ZC3H13: variants seen among roughly 807,000 people sequenced by gnomAD.
ZC3H13 encodes the protein zinc finger CCCH domain-containing protein 13.
Under a neutral mutation model 204.1 loss-of-function variants are expected in ZC3H13, and 64 were observed. The observed-to-expected ratio is 0.31, with a 90% confidence interval of 0.26 to 0.39. ZC3H13 has a LOEUF of 0.39. Ranked by LOEUF, ZC3H13 falls within the 10% of genes least tolerant of loss-of-function variation. The probability of loss-of-function intolerance (pLI) is 1.00; values close to 1 mark genes in which losing one functional copy is unlikely to be tolerated. For synonymous variants in ZC3H13, 667 were observed against 693.7 expected, an observed-to-expected ratio of 0.96 and a Z score of 0.60; for missense variants, 1,833 against 2,082.7, an observed-to-expected ratio of 0.88 and a Z score of 2.33.
chr13:45,980,508 C>T (rs1055482066), intron 10 of ZC3H13, among the ~76,000 whole-genome samples: 1 of 152,072 alleles, frequency 6.6e-6, no homozygotes, highest in African/African-American at 2.4e-5. Context: ...ACAGCCAAAA[C>T]CTGCAAAGTA....
chr13:46,011,315 TA>T (rs2041547060), intron 6 of ZC3H13, 99 bp downstream of exon 6: 1 of 1,094,006 alleles, frequency 9.1e-7, no homozygotes, highest in African/African-American at 1.6e-5. Flanking sequence ...AATATATCAG[TA>T]TACTAATATA....
In ZC3H13 at chr13:46,011,440, C is replaced by A. The variant is rs1324581751; in HGVS notation, c.563G>T (p.Arg188Ile). 1.9e-6 allele frequency: 3 copies of A among 1,604,404 alleles called. No homozygotes were observed. The highest frequency in any genetic ancestry group is 2.6e-6 in the Non-Finnish European group (3 of 1,176,316). Residue 188 changes from arginine (R) to isoleucine (I), a missense_variant, in exon 6 of 19, where the codon AGA becomes ATA. Physicochemically the swap from Arg to Ile is moderately conservative, Grantham distance 97. Around this residue, in one of 5 missense-constraint regions of ZC3H13, gnomAD observed 1,574 missense variants for 1,757.2 expected, o/e 0.90. Transcript: ENST00000679008. ...MKLEQENMEKREEIIIKKEVS... is the reference protein window; with the variant it reads ...MKLEQENMEKIEEIIIKKEVS... ...CTCCTTTTTAATGATAATTTCTTCT[C>A]TCTTCTCCATGTTTTCTTGTTCCAG...
chr13:46,015,924 CTAAT>C (rs974505633), intron 5 of ZC3H13, among the ~76,000 whole-genome samples: 14 of 151,490 alleles, frequency 9.2e-5, no homozygotes, highest in African/African-American at 3.4e-4. Context: ...AAGAATTCCT[CTAAT>C]TAACAAGAAA....
chr13:46,025,439 G>C (rs1027391108), intron 4 of ZC3H13, among the ~76,000 whole-genome samples: 2 of 151,998 alleles, frequency 1.3e-5, no homozygotes, highest in Admixed American at 1.3e-4. Context: ...CCCACAGCTG[G>C]AACTACTGGT....
intron 4 of ZC3H13, among the ~76,000 whole-genome samples, chr13:46,020,777 AAAC>A (rs1296632015): frequency 6.6e-6 from 1 of 152,096 alleles, no homozygotes; most frequent in Non-Finnish European, 1.5e-5. Flanking sequence ...AAAAACTACT[AAAC>A]AACAAAAACT....
intron 10 of ZC3H13, among the ~76,000 whole-genome samples, chr13:45,983,074 A>C (rs2138149151): frequency 6.6e-6 from 1 of 152,286 alleles, no homozygotes; most frequent in East Asian, 1.9e-4. Context: ...ACTAAGAAAA[A>C]TTACATGTAG....
intron 8 of ZC3H13, among the ~76,000 whole-genome samples, chr13:45,994,630 T>A (rs187369870): frequency 1.8e-4 from 27 of 152,340 alleles, no homozygotes; most frequent in Non-Finnish European, 3.2e-4. Context: ...GCCGCACGCA[T>A]GTGGATTGTT....
At chr13:45,974,386 G>C (rs138414183) in intron 12 of ZC3H13, among the ~76,000 whole-genome samples, 267 of 152,290 alleles carry the variant, frequency 1.8e-3, no homozygotes, top group African/African-American at 6.2e-3. Context: ...AATTAATACA[G>C]AGGGAAACTG....
chr13:46,041,897 C>A (rs777100317), intron 4 of ZC3H13, among the ~76,000 whole-genome samples: 5 of 152,044 alleles, frequency 3.3e-5, no homozygotes, highest in Non-Finnish European at 7.4e-5. Context: ...CGTCAAGGAT[C>A]CCTACTAAGG....
intron 7 of ZC3H13, 80 bp from the exon 8 acceptor site, chr13:46,003,416 C>T (rs1363035999): frequency 1.2e-5 from 16 of 1,318,892 alleles, no homozygotes; most frequent in East Asian, 4.8e-5. Flanking sequence ...AAAACAGCAG[C>T]GTTCCTTTAC....
intron 8 of ZC3H13, among the ~76,000 whole-genome samples, chr13:45,989,481 T>C (rs185562102): frequency 6.6e-6 from 1 of 152,302 alleles, no homozygotes; most frequent in East Asian, 1.9e-4. Context: ...TACTGAGATC[T>C]AGAGAGAAAG....
rs749473874 is a variant in ZC3H13 at position 45,988,860 on chromosome 13, T to C, written c.1182A>G (p.Pro394=). ...GATCATGTCTCCCTTTCTCTCGCAT[T>C]GGAGAGCGATGTCTTGGAGGACTCT... The part of the protein sequence containing the change: ...RKQSPPRHRS[P]MREKGRHDHE... The change falls in exon 9 of 19, where the codon CCA becomes CCG. Residue 394 remains proline (P), a synonymous_variant. Transcript: ENST00000679008. 1.5e-5 allele frequency: 25 copies of C among 1,614,076 alleles called. No individual in the cohort carries two copies. The African/African-American group carries it at 3.1e-4, about 20-fold the overall frequency.
In ZC3H13 at chr13:45,979,953, T is replaced by C. The variant is rs768335009; in HGVS notation, c.1772A>G (p.Asn591Ser). Residue 591 changes from asparagine to serine, a missense_variant, in exon 11 of 19, where the codon AAC (asparagine) becomes AGC (serine). By Grantham distance (46) the Asn-to-Ser change is conservative (BLOSUM62 1). This residue lies in a region of ZC3H13 where 1,574 missense variants were observed against 1,757.2 expected (regional missense o/e 0.90). Coordinates refer to ENST00000679008, the MANE Select transcript of ZC3H13 (RefSeq NM_001330564.2). ...SQIDSHSSNS[N>S]YHDSWETRSS... is the part of the protein sequence containing the mutation. ...TCGAGTTTCCCAGCTGTCATGATAG[T>C]TGCTATTACTACTGTGACTATCAAT... 2 of 1,612,342 alleles carry C rather than the reference T, an allele frequency of 1.2e-6. No homozygotes were observed. Among genetic ancestry groups the C allele is most frequent in the Admixed American group, 1.7e-5 (1 of 59,810 alleles).
Position 46,016,855 on chromosome 13 carries a change from G to A in ZC3H13, c.448+3594C>T, listed in dbSNP as rs181730844. On this transcript the variant is annotated intron_variant, in intron 5 of 18. Transcript: ENST00000679008. ...TTATTTTGGTAAAATCTATTTATAG[G>A]CAATAAATAAATACCTTAAGAACTA... Among the ~76,000 whole-genome samples the A allele has an allele frequency of 4.2e-3, 638 of 152,168 alleles. 1 individual carries two copies. The highest frequency in any genetic ancestry group is 6.3e-3 in the Non-Finnish European group (425 of 67,988).
rs189778576 is a variant in ZC3H13 at position 46,002,342 on chromosome 13, T to C, written c.944+797A>G. On this transcript the variant is annotated intron_variant, in intron 8 of 18. Coordinates refer to ENST00000679008, the MANE Select transcript of ZC3H13 (RefSeq NM_001330564.2). The stretch of plus-strand genomic sequence containing the variant: ...GGAATGTACAACAGTGCAACTGCAT[T>C]GGAAAACAGTAGGCAGGTTTCTCAA... Among the ~76,000 whole-genome samples the C allele has an allele frequency of 6.6e-5, 10 of 152,286 alleles. No homozygotes were observed. The East Asian group carries it at 1.9e-3, about 29-fold the overall frequency.
At position 45,996,935 on chromosome 13, in the gene ZC3H13, T is replaced by C. The variant is rs570435071; in HGVS notation, c.944+6204A>G. Among the ~76,000 whole-genome samples, 11 of 152,358 alleles carry C rather than the reference T, an allele frequency of 7.2e-5. No individual in the cohort carries two copies. In the East Asian group the frequency reaches 1.5e-3, roughly 21 times the overall value. ...AAGGTTCAGCACTATCTGCCATTTC[T>C]GGCATCTACTGGGGGTCTTGGAATG... On this transcript the variant is annotated intron_variant, in intron 8 of 18. Coordinates refer to ENST00000679008, the MANE Select transcript of ZC3H13 (RefSeq NM_001330564.2).
At chr13:45,981,684 G>A (rs1452147766) in intron 10 of ZC3H13, among the ~76,000 whole-genome samples, 4 of 152,138 alleles carry the variant, frequency 2.6e-5, no homozygotes, top group Admixed American at 2.0e-4. Flanking sequence ...ATTCTGACTG[G>A]TGTGAGATGG....
intron 17 of ZC3H13, among the ~76,000 whole-genome samples, chr13:45,961,875 A>G (rs1951717855): frequency 6.6e-6 from 1 of 152,072 alleles, no homozygotes; most frequent in Non-Finnish European, 1.5e-5. Context: ...GTACCCATGA[A>G]AATTAAAAAT....
At chr13:46,000,442 T>C (rs2040662248) in intron 8 of ZC3H13, among the ~76,000 whole-genome samples, 2 of 152,230 alleles carry the variant, frequency 1.3e-5, no homozygotes, top group Non-Finnish European at 2.9e-5. Context: ...GCTACGGAGA[T>C]GGCTTCATTC....
Sources: allele counts gnomAD v4.1 joint callset (sites outside exome capture counted in the v4.1 genomes callset), GRCh38; gene constraint gnomAD v4.1.1; regional missense constraint gnomAD v4.1.1; transcripts MANE v1.5; gene names NCBI Gene and HGNC (gene_info 2026-07-23, HGNC 2026-07-21).